Variants in XKR4 observed in about 807,000 individuals in gnomAD.
XKR4 encodes XK related 4.
In XKR4, 12 loss-of-function variants were observed where a neutral mutation model predicts 53.9. The observed-to-expected ratio is 0.22, with a 90% CI of 0.14 to 0.36. The LOEUF is 0.36. Among genes scored for constraint, XKR4 ranks in the 10% least tolerant of loss-of-function variants. The pLI is 1.00. For missense variants in XKR4, 799 were observed against 859.5 expected, an observed-to-expected ratio of 0.93 and a Z score of 0.88; for synonymous variants, 354 against 362.4, an observed-to-expected ratio of 0.98 and a Z score of 0.26.
chr8:55,471,497 C>T (rs771034248), intron 2 of XKR4, among the ~76,000 whole-genome samples: 32 of 152,098 alleles, frequency 2.1e-4, no homozygotes, highest in Non-Finnish European at 3.5e-4. Flanking sequence ...CAAGCCCTCC[C>T]AGGGATTCTG....
chr8:55,315,399 G>C (rs1173777525), intron 1 of XKR4, among the ~76,000 whole-genome samples: 2 of 152,202 alleles, frequency 1.3e-5, no homozygotes, highest in Non-Finnish European at 2.9e-5. Context: ...TGCAAAATAA[G>C]TAAATAAGAT....
chr8:55,450,594 C>CA (rs1317249927), intron 2 of XKR4: 4 of 728,838 alleles, frequency 5.5e-6, no homozygotes, highest in Non-Finnish European at 7.4e-6. Flanking sequence ...TGGCTGAACT[C>CA]AAACTCCATG....
chr8:55,499,975 C>T (rs1806411358), intron 2 of XKR4, among the ~76,000 whole-genome samples: 1 of 151,932 alleles, frequency 6.6e-6, no homozygotes, highest in Admixed American at 6.6e-5. Flanking sequence ...AAAATAATAG[C>T]CAGTGTCAAA....
At chr8:55,300,981 T>C (rs1032120712) in intron 1 of XKR4, among the ~76,000 whole-genome samples, 1 of 152,036 alleles carries the variant, frequency 6.6e-6, no homozygotes, top group African/African-American at 2.4e-5. Context: ...ATCAGACACT[T>C]TATTTTTTTA....
chr8:55,484,923 A>T (rs1806170229), intron 2 of XKR4, among the ~76,000 whole-genome samples: 1 of 152,214 alleles, frequency 6.6e-6, no homozygotes, highest in Non-Finnish European at 1.5e-5. Flanking sequence ...GGACTATACC[A>T]TCAGCTCTCC....
At chr8:55,490,801 A>AGT (rs35349411) in intron 2 of XKR4, among the ~76,000 whole-genome samples, 15 of 151,754 alleles carry the variant, frequency 9.9e-5, no homozygotes, top group East Asian at 9.7e-4. Context: ...GAGTATGTAT[A>AGT]GTGTGTGTGT....
chr8:55,308,670 A>G (rs1819345426), intron 1 of XKR4, among the ~76,000 whole-genome samples: 1 of 152,202 alleles, frequency 6.6e-6, no homozygotes. Context: ...TATCAGAAAA[A>G]TGAAAATTTG....
chr8:55,342,075 T>C (rs1340994170), intron 1 of XKR4, among the ~76,000 whole-genome samples: 1 of 151,998 alleles, frequency 6.6e-6, no homozygotes, highest in East Asian at 1.9e-4. Context: ...ACTTAAACTG[T>C]CCAAAGCTCA....
chr8:55,417,036 C>A (rs1804862355), intron 2 of XKR4, among the ~76,000 whole-genome samples: 1 of 152,146 alleles, frequency 6.6e-6, no homozygotes, highest in African/African-American at 2.4e-5. Flanking sequence ...ACACCCAGAC[C>A]AATTATATCA....
At chr8:55,326,360 A>G (rs1803292545) in intron 1 of XKR4, among the ~76,000 whole-genome samples, 1 of 151,928 alleles carries the variant, frequency 6.6e-6, no homozygotes, top group Non-Finnish European at 1.5e-5. Context: ...TATCTTGCAG[A>G]TGAAGAGTTT....
At position 55,451,453 on chromosome 8, in the gene XKR4, T is replaced by A. The variant is rs1024469962; in HGVS notation, c.1007-71828T>A. ...GGAGCTGACAACAGCCTGCAGGTAC[T>A]TCTCCTGCTCCAGGCTACTCGAGTC... On this transcript the variant is annotated intron_variant, in intron 2 of 2. Coordinates refer to ENST00000327381, the MANE Select transcript of XKR4 (RefSeq NM_052898.2). 2.4e-6 allele frequency: 3 copies of A among 1,239,678 alleles called. No individual in the cohort carries two copies. The Admixed American group carries it at 6.0e-5, about 25-fold the overall frequency. The allele number at this position is 1,239,678 out of a possible 1,614,324, so 76.8% of individuals were successfully genotyped here.
intron 1 of XKR4, among the ~76,000 whole-genome samples, chr8:55,338,052 C>T (rs147769694): frequency 2.0e-5 from 3 of 152,152 alleles, no homozygotes; most frequent in Non-Finnish European, 1.5e-5. Flanking sequence ...CTGCCCTGTA[C>T]GACAAAGCTA....
intron 2 of XKR4, among the ~76,000 whole-genome samples, chr8:55,491,905 A>G (rs1433005405): frequency 6.6e-6 from 1 of 152,320 alleles, no homozygotes; most frequent in South Asian, 2.1e-4. Flanking sequence ...TTATGCATAC[A>G]TGGCAGAGCA....
At chr8:55,137,284 T>G (rs1816644528) in intron 1 of XKR4, among the ~76,000 whole-genome samples, 1 of 152,094 alleles carries the variant, frequency 6.6e-6, no homozygotes, top group African/African-American at 2.4e-5. Flanking sequence ...TGAAATTCCT[T>G]GGAGGCCTTT....
intron 2 of XKR4, among the ~76,000 whole-genome samples, chr8:55,385,451 C>T (rs1371370900): frequency 6.6e-6 from 1 of 152,208 alleles, no homozygotes; most frequent in African/African-American, 2.4e-5. Context: ...TTACTCTTCC[C>T]TTCCCCGCTA....
At chr8:55,337,069 C>G (rs746462232) in intron 1 of XKR4, among the ~76,000 whole-genome samples, 2 of 151,952 alleles carry the variant, frequency 1.3e-5, no homozygotes, top group African/African-American at 4.8e-5. Context: ...TTCTGTGTGC[C>G]GCAGTTACAT....
At chr8:55,189,092 G>T (rs1401158466) in intron 1 of XKR4, among the ~76,000 whole-genome samples, 2 of 152,146 alleles carry the variant, frequency 1.3e-5, no homozygotes, top group Non-Finnish European at 1.5e-5. Flanking sequence ...TTCTCTCTCT[G>T]CCCTACTACA....
At chr8:55,186,307 A>G (rs557475101) in intron 1 of XKR4, among the ~76,000 whole-genome samples, 53 of 152,334 alleles carry the variant, frequency 3.5e-4, no homozygotes, top group African/African-American at 1.3e-3. Flanking sequence ...ATGCTTAATT[A>G]AGCCAAAAAG....
At chr8:55,429,293 T>G (rs534971608) in intron 2 of XKR4, among the ~76,000 whole-genome samples, 70 of 152,302 alleles carry the variant, frequency 4.6e-4, no homozygotes, top group African/African-American at 1.7e-3. Context: ...GATAACAGAC[T>G]TCAGTGTACA....
Sources: allele counts gnomAD v4.1 joint callset (sites outside exome capture counted in the v4.1 genomes callset), GRCh38; gene constraint gnomAD v4.1.1; transcripts MANE v1.5; gene names NCBI Gene and HGNC (gene_info 2026-07-23, HGNC 2026-07-21).